PCDHGB5: variants seen among roughly 807,000 people sequenced by gnomAD.
PCDHGB5 encodes protocadherin gamma-B5.
PCDHGB5 carries 48 observed loss-of-function variants against 62.9 expected under a neutral mutation model. That is an observed-to-expected ratio of 0.76 (90% CI 0.61 to 0.97). PCDHGB5 has a LOEUF of 0.97. PCDHGB5 is among the 50% of genes least tolerant of loss of function. PCDHGB5 has a pLI of 0.00. For synonymous variants in PCDHGB5, 474 were observed against 511.2 expected, an observed-to-expected ratio of 0.93 and a Z score of 0.98; for missense variants, 1,118 against 1,198.6, an observed-to-expected ratio of 0.93 and a Z score of 0.99.
intron 1 of PCDHGB5, among the ~76,000 whole-genome samples, chr5:141,474,082 C>CA (rs1449032579): frequency 1.3e-5 from 2 of 152,064 alleles, no homozygotes; most frequent in African/African-American, 4.8e-5. Context: ...AAACAAAAAC[C>CA]AAAAAACAAA....
chr5:141,422,310 T>A, intron 1 of PCDHGB5: 1 of 1,546,532 alleles, frequency 6.5e-7, no homozygotes, highest in Non-Finnish European at 8.7e-7. Flanking sequence ...TGGAAAACTC[T>A]CCTCCAGGTA....
intron 1 of PCDHGB5, among the ~76,000 whole-genome samples, chr5:141,465,907 G>C (rs1367648934): frequency 6.6e-6 from 1 of 152,056 alleles, no homozygotes; most frequent in East Asian, 1.9e-4. Flanking sequence ...CAAATCACGA[G>C]GTCAGGATTT....
chr5:141,423,775 T>A, intron 1 of PCDHGB5: 1 of 1,209,960 alleles, frequency 8.3e-7, no homozygotes, highest in Non-Finnish European at 1.1e-6. Context: ...GCGGCATATA[T>A]TTAGTTCATA....
At chr5:141,413,355 C>G in intron 1 of PCDHGB5, 1 of 1,613,952 alleles carries the variant, frequency 6.2e-7, no homozygotes, top group Non-Finnish European at 8.5e-7. Context: ...GTCTGGCGCC[C>G]CGGGAGCTGG....
intron 1 of PCDHGB5, among the ~76,000 whole-genome samples, chr5:141,401,572 C>T (rs1013014550): frequency 3.3e-5 from 5 of 152,268 alleles, no homozygotes; most frequent in Middle Eastern, 3.4e-3. Flanking sequence ...TTCTCTTGCT[C>T]GGAATCCTGA....
chr5:141,479,333 G>A (rs2154577502), intron 1 of PCDHGB5: 1 of 152,652 alleles, frequency 6.6e-6, no homozygotes, highest in East Asian at 1.9e-4. Context: ...TCAGTGGTGT[G>A]CACCTGTAGT....
intron 1 of PCDHGB5, chr5:141,408,577 T>C (rs771768269): frequency 6.2e-7 from 1 of 1,614,068 alleles, no homozygotes; most frequent in South Asian, 1.1e-5. Flanking sequence ...TGATTGAGGA[T>C]GTTAATGACC....
At position 141,477,115 on chromosome 5, in the gene PCDHGB5, A is replaced by G. The variant is rs1218111107; in HGVS notation, c.2398-17692A>G. ...AAGACAAGGGCGCCAATCCCGAAGG[A>G]GCACATTGCAAAGTGTTGGTGGAGG... On this transcript the variant is annotated intron_variant, in intron 1 of 3. Transcript: ENST00000617380. This position sits in a 1 kb window ranked among gnomAD's most constrained non-coding sequence, Gnocchi z 4.9. 1 of 1,614,230 alleles carries G rather than the reference A, an allele frequency of 6.2e-7. No homozygotes were observed. Among genetic ancestry groups the G allele is most frequent in the South Asian group, 1.1e-5 (1 of 91,090 alleles).
chr5:141,485,314 T>G lies in PCDHGB5; in HGVS notation c.2398-9493T>G. Reference sequence around the variant, plus strand: ...CACAGGAAGGGACTTTTGTAGGGAATGTCGCTCAAGATTTCCTGCTGGATA... The same window carrying G: ...CACAGGAAGGGACTTTTGTAGGGAAGGTCGCTCAAGATTTCCTGCTGGATA... On this transcript the variant is annotated intron_variant, in intron 1 of 3. Coordinates refer to ENST00000617380, the MANE Select transcript of PCDHGB5 (RefSeq NM_018925.3). This position sits in a 1 kb window ranked among gnomAD's most constrained non-coding sequence, Gnocchi z 5.7. 1 of 1,614,150 alleles carries G rather than the reference T, an allele frequency of 6.2e-7. No individual in the cohort carries two copies. The highest frequency in any genetic ancestry group is 8.5e-7 in the Non-Finnish European group (1 of 1,180,032).
intron 1 of PCDHGB5, chr5:141,419,377 C>T: frequency 6.2e-6 from 10 of 1,613,690 alleles, no homozygotes; most frequent in Admixed American, 3.3e-5. Flanking sequence ...CCTACGTGTC[C>T]GTGAGCGCGC....
At chr5:141,450,506 G>A (rs2098682958) in intron 1 of PCDHGB5, among the ~76,000 whole-genome samples, 2 of 151,914 alleles carry the variant, frequency 1.3e-5, no homozygotes, top group Admixed American at 6.6e-5. Context: ...TTTGTTTTGA[G>A]ATGGAGTCTC....
At chr5:141,448,654 A>G (rs966383140) in intron 1 of PCDHGB5, among the ~76,000 whole-genome samples, 1 of 152,048 alleles carries the variant, frequency 6.6e-6, no homozygotes, top group African/African-American at 2.4e-5. Context: ...AAATATTTCC[A>G]TATTGGCCGG....
chr5:141,459,609 T>C (rs939880462), intron 1 of PCDHGB5, among the ~76,000 whole-genome samples: 1 of 152,230 alleles, frequency 6.6e-6, no homozygotes, highest in African/African-American at 2.4e-5. Context: ...AAGTATATGC[T>C]TAACTTTATA....
intron 1 of PCDHGB5, among the ~76,000 whole-genome samples, chr5:141,469,723 C>G (rs2099209474): frequency 6.6e-6 from 1 of 152,210 alleles, no homozygotes; most frequent in Non-Finnish European, 1.5e-5. Context: ...AGGAATTTAT[C>G]ATAAATACAC....
At chr5:141,484,968 C>A (rs2099604490) in intron 1 of PCDHGB5, 2 of 585,734 alleles carry the variant, frequency 3.4e-6, no homozygotes, top group African/African-American at 3.7e-5. Context: ...GCCCGGGAGC[C>A]GCTGTCTGCC....
chr5:141,407,497 G>GTTTTTTTTTTTTTTTTTTTTTTTTT (rs1554102286), intron 1 of PCDHGB5, among the ~76,000 whole-genome samples: 1 of 151,974 alleles, frequency 6.6e-6, no homozygotes, highest in African/African-American at 2.4e-5. Context: ...CTTTATTTCT[G>GTTTTTTTTTTTTTTTTTTTTTTTTT]TTTTTCTTAG....
At chr5:141,428,400 G>C (rs373595231) in intron 1 of PCDHGB5, 4 of 483,290 alleles carry the variant, frequency 8.3e-6, no homozygotes, top group African/African-American at 2.0e-5. Flanking sequence ...CCTCTGCCTG[G>C]GGTTGCTTTC....
chr5:141,478,624 T>C (rs1300260980), intron 1 of PCDHGB5: 3 of 1,554,196 alleles, frequency 1.9e-6, no homozygotes, highest in Non-Finnish European at 2.6e-6. Context: ...AATGGAGCTG[T>C]TTTTTTAGTG....
At chr5:141,454,625 C>T (rs1193628253) in intron 1 of PCDHGB5, among the ~76,000 whole-genome samples, 2 of 151,512 alleles carry the variant, frequency 1.3e-5, no homozygotes, top group East Asian at 1.9e-4. Flanking sequence ...AGGCTGGTCT[C>T]GAACCCCCAA....
Sources: allele counts gnomAD v4.1 joint callset (sites outside exome capture counted in the v4.1 genomes callset), GRCh38; gene constraint gnomAD v4.1.1; non-coding constraint Gnocchi (gnomAD v3.1); transcripts MANE v1.5; gene names NCBI Gene and HGNC (gene_info 2026-07-23, HGNC 2026-07-21).